Variants in UBE2V2 observed in about 807,000 individuals in gnomAD.
UBE2V2 encodes the protein ubiquitin-conjugating enzyme E2 variant 2.
Under a neutral mutation model 17.2 loss-of-function variants are expected in UBE2V2, and 9 were observed. The observed-to-expected ratio is 0.52, with a 90% CI of 0.32 to 0.91. The LOEUF (loss-of-function observed/expected upper bound fraction) is 0.91. UBE2V2 is among the 40% of genes least tolerant of loss of function. The probability of loss-of-function intolerance (pLI) is 0.04; values close to 1 mark genes in which losing one functional copy is unlikely to be tolerated. For synonymous variants in UBE2V2, 61 were observed against 57.5 expected, an observed-to-expected ratio of 1.06 and a Z score of -0.28; for missense variants, 133 against 182.6, an observed-to-expected ratio of 0.73 and a Z score of 1.56.
intron 1 of UBE2V2, among the ~76,000 whole-genome samples, chr8:48,025,476 C>T (rs2091335749): frequency 1.3e-5 from 2 of 151,312 alleles, no homozygotes; most frequent in South Asian, 2.1e-4. Context: ...AAGGGTTTCA[C>T]CATATTGACC....
intron 1 of UBE2V2, among the ~76,000 whole-genome samples, chr8:48,020,664 G>A (rs1284279549): frequency 6.6e-6 from 1 of 152,072 alleles, no homozygotes; most frequent in Non-Finnish European, 1.5e-5. Flanking sequence ...GTGTTGCTCT[G>A]ACCTGGTCAT....
chr8:48,035,600 T>G (rs2091416927), intron 1 of UBE2V2, among the ~76,000 whole-genome samples: 1 of 147,096 alleles, frequency 6.8e-6, no homozygotes, highest in Non-Finnish European at 1.5e-5. Context: ...CAAATCACAA[T>G]ACATATTTAA....
chr8:48,010,792 G>A (rs1253841666), intron 1 of UBE2V2, among the ~76,000 whole-genome samples: 2 of 149,886 alleles, frequency 1.3e-5, no homozygotes, highest in African/African-American at 4.9e-5. Flanking sequence ...CCACCTCCCT[G>A]GTTCAAGCAA....
intron 1 of UBE2V2, chr8:48,041,859 T>A (rs1589861416): frequency 6.6e-6 from 1 of 152,048 alleles, no homozygotes; most frequent in East Asian, 1.9e-4. Flanking sequence ...AATGGTGTGA[T>A]CTTGGCTCAC....
intron 1 of UBE2V2, among the ~76,000 whole-genome samples, chr8:48,041,175 T>TG (rs1372632414): frequency 3.5e-5 from 5 of 144,366 alleles, no homozygotes; most frequent in African/African-American, 1.0e-4. Flanking sequence ...TTTTTGTTGT[T>TG]TTTTTTTTTT....
chr8:48,015,330 T>C (rs2154506777), intron 1 of UBE2V2, among the ~76,000 whole-genome samples: 1 of 152,184 alleles, frequency 6.6e-6, no homozygotes, highest in South Asian at 2.1e-4. Context: ...TGAGCTGTGA[T>C]CGTGTCACTG....
chr8:48,014,833 G>A (rs554706557), intron 1 of UBE2V2, among the ~76,000 whole-genome samples: 1 of 144,602 alleles, frequency 6.9e-6, no homozygotes, highest in South Asian at 2.3e-4. Context: ...GGTGGTTCAC[G>A]AAGTCAAGAG....
At chr8:48,059,706 C>T (rs1028835489) in intron 3 of UBE2V2, among the ~76,000 whole-genome samples, 7 of 152,198 alleles carry the variant, frequency 4.6e-5, no homozygotes, top group East Asian at 1.9e-4. Flanking sequence ...CCACCGCATC[C>T]GGCCCACCTT....
At chr8:48,054,956 A>G (rs1283696278) in intron 3 of UBE2V2, among the ~76,000 whole-genome samples, 2 of 135,040 alleles carry the variant, frequency 1.5e-5, no homozygotes, top group Admixed American at 1.5e-4. Flanking sequence ...CCCTGTTGGT[A>G]TTTCACAGGA....
upstream of UBE2V2, chr8:48,008,410 G>C: frequency 6.4e-7 from 1 of 1,556,010 alleles, no homozygotes; most frequent in Non-Finnish European, 8.7e-7. Flanking sequence ...GACGCGCGAC[G>C]GTTCGTGCGT....
chr8:48,027,962 T>C (rs941412787), intron 1 of UBE2V2, among the ~76,000 whole-genome samples: 8 of 152,116 alleles, frequency 5.3e-5, no homozygotes, highest in Non-Finnish European at 1.0e-4. Flanking sequence ...CAAGCGATTC[T>C]CCTGCCTCAA....
At chr8:48,033,344 G>A (rs1420543652) in intron 1 of UBE2V2, among the ~76,000 whole-genome samples, 2 of 151,630 alleles carry the variant, frequency 1.3e-5, no homozygotes, top group African/African-American at 2.4e-5. Context: ...TCACCACCAC[G>A]CTGGCTAATT....
In UBE2V2 at chr8:48,008,440, G is replaced by C. The variant is rs376144440; in HGVS notation, c.-15G>C. ...GTGCGTGCGTGCGGGCGGCTGCGTC[G>C]GGCTGCAGGAGAAGATGGCGGTCTC... On this transcript the variant is annotated 5_prime_UTR_variant, in exon 1 of 4. Coordinates refer to ENST00000523111, the MANE Select transcript of UBE2V2 (RefSeq NM_003350.3). The C allele has an allele frequency of 3.2e-6, 5 of 1,565,422 alleles. No individual in the cohort carries two copies. The highest frequency in any genetic ancestry group is 4.3e-6 in the Non-Finnish European group (5 of 1,158,380).
chr8:48,058,195 G>A (rs923314580), intron 3 of UBE2V2, among the ~76,000 whole-genome samples: 8 of 152,138 alleles, frequency 5.3e-5, no homozygotes, highest in African/African-American at 1.4e-4. Context: ...TTGGCCGGGC[G>A]TGGTGGCTCA....
intron 1 of UBE2V2, among the ~76,000 whole-genome samples, chr8:48,023,160 A>C (rs891640362): frequency 6.6e-6 from 1 of 151,170 alleles, no homozygotes; most frequent in Non-Finnish European, 1.5e-5. Context: ...ACCTGTAGCC[A>C]TATACTTATA....
At chr8:48,022,247 C>T (rs1424809436) in intron 1 of UBE2V2, among the ~76,000 whole-genome samples, 3 of 151,666 alleles carry the variant, frequency 2.0e-5, no homozygotes, top group Admixed American at 6.6e-5. Context: ...ATGTGATTCT[C>T]CTGCCTCAGC....
At chr8:48,010,737 G>T (rs1346160438) in intron 1 of UBE2V2, among the ~76,000 whole-genome samples, 10 of 107,094 alleles carry the variant, frequency 9.3e-5, no homozygotes, top group East Asian at 8.9e-4. Context: ...TCGCTTCTTT[G>T]CCCAGGCTGG....
At chr8:48,035,324 T>C (rs969658875) in intron 1 of UBE2V2, among the ~76,000 whole-genome samples, 1 of 151,936 alleles carries the variant, frequency 6.6e-6, no homozygotes, top group African/African-American at 2.4e-5. Flanking sequence ...TTTCACCATA[T>C]TGGACAGGCT....
chr8:48,053,232 C>T (rs1257979826), intron 3 of UBE2V2, among the ~76,000 whole-genome samples: 2 of 152,046 alleles, frequency 1.3e-5, no homozygotes, highest in Non-Finnish European at 2.9e-5. Flanking sequence ...TGAATTATGT[C>T]CCTTCTATTG....
Sources: gnomAD v4.1 joint callset for allele counts (sites outside exome capture counted in the v4.1 genomes callset) on GRCh38, gnomAD v4.1.1 for gene constraint, MANE v1.5 for transcripts, NCBI Gene and HGNC (gene_info 2026-07-23, HGNC 2026-07-21) for gene names.